Variants in MED13L observed in about 807,000 individuals in gnomAD.
The protein encoded by MED13L is mediator of RNA polymerase II transcription subunit 13-like.
Under a neutral mutation model 220.9 loss-of-function variants are expected in MED13L, and 7 were observed. That is an observed-to-expected ratio of 0.03 (90% confidence interval 0.02 to 0.06). The LOEUF is 0.06. Ranked by LOEUF, MED13L falls within the 10% of genes least tolerant of loss-of-function variation. MED13L has a pLI of 1.00. For synonymous variants in MED13L, 1,011 were observed against 1,015.2 expected, an observed-to-expected ratio of 1.00 and a Z score of 0.08; for missense variants, 1,965 against 2,760.5, an observed-to-expected ratio of 0.71 and a Z score of 6.46.
At chr12:116,277,028 C>T in intron 1 of MED13L, 32 bp downstream of exon 1, 2 of 1,322,742 alleles carry the variant, frequency 1.5e-6, no homozygotes, top group Non-Finnish European at 2.1e-6. Context: ...CCTTCCCCGG[C>T]ACAGCCCCCT....
At chr12:116,020,027 A>G in intron 5 of MED13L, 55 bp from the exon 6 acceptor site, 1 of 1,464,718 alleles carries the variant, frequency 6.8e-7, no homozygotes, top group African/African-American at 1.4e-5. Flanking sequence ...TTCCTACTTA[A>G]GTGCAACACT....
rs540744855 is a variant in MED13L, at chr12:116,074,902, T to G, written c.479+21767A>C. ...GTAAGGATGGAAACCATTTTCCTCT[T>G]CCTAAATATGTATTTAAATACCCTG... On this transcript the variant is annotated intron_variant, in intron 4 of 30. Transcript: ENST00000281928. Among the ~76,000 whole-genome samples the G allele has an allele frequency of 3.9e-5, 6 of 152,394 alleles. 1 individual carries two copies. The highest frequency in any genetic ancestry group is 3.9e-4 in the Admixed American group (6 of 15,310).
chr12:116,054,116 A>C (rs528969041), intron 4 of MED13L, among the ~76,000 whole-genome samples: 1 of 152,236 alleles, frequency 6.6e-6, no homozygotes, highest in East Asian at 1.9e-4. Flanking sequence ...GCTCTGCTCC[A>C]CGTCAACACA....
At chr12:116,249,794 C>A in intron 1 of MED13L, among the ~76,000 whole-genome samples, 2 of 119,746 alleles carry the variant, frequency 1.7e-5, no homozygotes, top group African/African-American at 3.2e-5. Context: ...ATTAACTATC[C>A]AAGCTGAAAA....
At chr12:116,076,451 T>A (rs1388832217) in intron 4 of MED13L, among the ~76,000 whole-genome samples, 1 of 152,160 alleles carries the variant, frequency 6.6e-6, no homozygotes, top group Non-Finnish European at 1.5e-5. Context: ...GGAGGAGGAC[T>A]GCTTGAGCCC....
At chr12:116,234,312 C>T (rs2138445310) in intron 2 of MED13L, among the ~76,000 whole-genome samples, 3 of 152,128 alleles carry the variant, frequency 2.0e-5, no homozygotes, top group Admixed American at 2.0e-4. Context: ...ACTGTAACCT[C>T]TGCCTCCCGG....
At chr12:116,226,840 G>T (rs555991034) in intron 2 of MED13L, among the ~76,000 whole-genome samples, 1 of 146,234 alleles carries the variant, frequency 6.8e-6, no homozygotes, top group African/African-American at 2.5e-5. Context: ...CCATACTCCA[G>T]CCTGGGCAAC....
intron 2 of MED13L, among the ~76,000 whole-genome samples, chr12:116,216,312 G>C (rs1882992427): frequency 6.6e-6 from 1 of 152,080 alleles, no homozygotes; most frequent in Non-Finnish European, 1.5e-5. Context: ...CACCTGTCCT[G>C]AAGCATTATT....
chr12:116,009,551 C>T lies in MED13L; in HGVS notation c.1281-419G>A, dbSNP rs932354826. ...CTCTACTAACTGTAATATAGAATGGCTTATAATGGCTTGTAGTGCTGTAAA... is the reference window on the plus strand; with the variant it reads ...CTCTACTAACTGTAATATAGAATGGTTTATAATGGCTTGTAGTGCTGTAAA... On this transcript the variant is annotated intron_variant, in intron 9 of 30. Transcript: ENST00000281928. 1.8e-4 allele frequency among the ~76,000 whole-genome samples: 28 copies of T among 152,142 alleles called. 1 individual carries two copies. The highest frequency in any genetic ancestry group is 1.8e-3 in the Admixed American group (27 of 15,276).
intron 29 of MED13L, among the ~76,000 whole-genome samples, chr12:115,965,193 C>T (rs930967827): frequency 2.0e-5 from 3 of 152,154 alleles, no homozygotes; most frequent in African/African-American, 7.2e-5. Context: ...TAGATTACTC[C>T]ATGGTAATCT....
At chr12:116,224,681 T>C (rs1868784013) in intron 2 of MED13L, among the ~76,000 whole-genome samples, 1 of 152,106 alleles carries the variant, frequency 6.6e-6, no homozygotes, top group African/African-American at 2.4e-5. Context: ...GTTGTTATTG[T>C]TTTGTTTTGT....
intron 24 of MED13L, 30 bp downstream of exon 24, chr12:115,975,485 A>G: frequency 6.2e-7 from 1 of 1,603,966 alleles, no homozygotes; most frequent in South Asian, 1.1e-5. Flanking sequence ...GCATTAATTT[A>G]CATGCACCAT....
chr12:116,013,640 A>G (rs2137408441), intron 8 of MED13L, among the ~76,000 whole-genome samples: 1 of 152,336 alleles, frequency 6.6e-6, no homozygotes, highest in South Asian at 2.1e-4. Context: ...TAAGAGCAGC[A>G]CTCCTAATGT....
At chr12:116,035,090 A>G (rs1046295672) in intron 4 of MED13L, among the ~76,000 whole-genome samples, 4 of 152,178 alleles carry the variant, frequency 2.6e-5, no homozygotes, top group African/African-American at 9.7e-5. Flanking sequence ...TGTGCCAGAC[A>G]CTGTGCTAGA....
intron 4 of MED13L, among the ~76,000 whole-genome samples, chr12:116,063,064 C>G (rs1448240983): frequency 1.3e-5 from 2 of 152,154 alleles, no homozygotes; most frequent in Non-Finnish European, 2.9e-5. Context: ...CAATCTTACT[C>G]TGCAATGCCC....
At chr12:116,069,152 C>T (rs1253797269) in intron 4 of MED13L, among the ~76,000 whole-genome samples, 1 of 152,128 alleles carries the variant, frequency 6.6e-6, no homozygotes, top group African/African-American at 2.4e-5. Context: ...GAAGATAATG[C>T]CAAAAGAATC....
intron 4 of MED13L, among the ~76,000 whole-genome samples, chr12:116,091,029 G>C (rs552906853): frequency 1.3e-5 from 2 of 151,246 alleles, no homozygotes; most frequent in Admixed American, 6.6e-5. Flanking sequence ...GGAGGCTGAG[G>C]CAGGAGAATT....
intron 19 of MED13L, among the ~76,000 whole-genome samples, chr12:115,984,858 G>A (rs1419318500): frequency 6.6e-6 from 1 of 151,578 alleles, no homozygotes; most frequent in African/African-American, 2.4e-5. Flanking sequence ...CAGTGAGTAT[G>A]CTGATCGCCT....
chr12:116,091,190 A>G (rs529566613), intron 4 of MED13L, among the ~76,000 whole-genome samples: 2 of 152,076 alleles, frequency 1.3e-5, no homozygotes, highest in Admixed American at 1.3e-4. Flanking sequence ...AATTTAAAAA[A>G]CAAGGTATCT....
Sources: gnomAD v4.1 joint callset for allele counts (sites outside exome capture counted in the v4.1 genomes callset) on GRCh38, gnomAD v4.1.1 for gene constraint, MANE v1.5 for transcripts, NCBI Gene and HGNC (gene_info 2026-07-23, HGNC 2026-07-21) for gene names.